Variants in ATRX observed in about 807,000 individuals in gnomAD.
ATRX encodes the protein ATRX chromatin remodeler, also known as chromatin remodeler ATRX.
A neutral mutation model predicts 172.6 loss-of-function variants in ATRX; 12 were observed. The observed-to-expected ratio is 0.07, with a 90% CI of 0.04 to 0.11. The LOEUF (loss-of-function observed/expected upper bound fraction) is 0.11, where lower values mean the gene tolerates loss of function less well. Among genes scored for constraint, ATRX ranks in the 10% least tolerant of loss-of-function variants. The pLI is 1.00. For missense variants in ATRX, 1,368 were observed against 1,767.4 expected (o/e 0.77, Z 4.05); for synonymous variants, 674 against 594.7 (o/e 1.13, Z -1.94).
At chrX:77,710,005 A>G (rs1557159814) in intron 2 of ATRX, among the ~76,000 whole-genome samples, 1 of 111,440 alleles carries the variant, frequency 9.0e-6, no homozygotes, top group Non-Finnish European at 1.9e-5. Context: ...TGGTTAAACA[A>G]ACTGTGGTAC....
At chrX:77,609,445 A>G (rs1393870130) in intron 22 of ATRX, among the ~76,000 whole-genome samples, 3 of 112,046 alleles carry the variant, frequency 2.7e-5, no homozygotes, top group Non-Finnish European at 5.6e-5. Flanking sequence ...ATGAAACAGC[A>G]CGAAAGACAA....
intron 1 of ATRX, among the ~76,000 whole-genome samples, chrX:77,737,438 G>C (rs1341722192): frequency 2.5e-5 from 2 of 80,629 alleles, no homozygotes; most frequent in Admixed American, 2.8e-4. Flanking sequence ...AAAAAAAAGG[G>C]GGGGGGGGGC....
intron 2 of ATRX, among the ~76,000 whole-genome samples, chrX:77,708,001 A>C (rs782148580): frequency 1.3e-4 from 15 of 112,278 alleles, no homozygotes; most frequent in Non-Finnish European, 2.6e-4. Context: ...TAGTATCTCT[A>C]CTTTGGAAAA....
rs782780813 is a variant in ATRX, at chrX:77,524,262, AT to A, written c.6700-862del. Among the ~76,000 whole-genome samples, 8 of 112,154 alleles carry A rather than the reference AT, an allele frequency of 7.1e-5. No homozygotes were observed. The East Asian group carries it at 2.0e-3, about 27-fold the overall frequency. ...AAATCACATATGAAAACCTGGATCTATAAAAGGCAAATTAATTCACTTTACA... is the reference window on the plus strand; with the variant it reads ...AAATCACATATGAAAACCTGGATCTAAAAAGGCAAATTAATTCACTTTACA... On this transcript the variant is annotated intron_variant, in intron 30 of 34. Transcript: ENST00000373344.
chrX:77,522,707 G>T lies in ATRX; in HGVS notation c.6850-319C>A, dbSNP rs782628187. 1.1e-4 allele frequency among the ~76,000 whole-genome samples: 12 copies of T among 111,786 alleles called. No individual in the cohort carries two copies. In the Admixed American group the frequency reaches 1.1e-3, roughly 11 times the overall value. On this transcript the variant is annotated intron_variant, in intron 31 of 34. Coordinates refer to ENST00000373344, the MANE Select transcript of ATRX (RefSeq NM_000489.6). ...AGTTAGGAGTTTGAAAAGGATTCAGGTATTAGGATAAGGTTTCCCATGCTC... is the reference window on the plus strand; with the variant it reads ...AGTTAGGAGTTTGAAAAGGATTCAGTTATTAGGATAAGGTTTCCCATGCTC...
At chrX:77,592,978 C>T (rs1400296625) in intron 26 of ATRX, among the ~76,000 whole-genome samples, 2 of 109,850 alleles carry the variant, frequency 1.8e-5, no homozygotes, top group African/African-American at 6.6e-5. Context: ...AATCCCAGCA[C>T]TTTGGGAGGC....
At chrX:77,671,980 A>G (rs1256028491) in intron 10 of ATRX, among the ~76,000 whole-genome samples, 1 of 111,089 alleles carries the variant, frequency 9.0e-6, no homozygotes, top group African/African-American at 3.3e-5. Flanking sequence ...GCCAGTTCAG[A>G]TATCTACAAG....
At chrX:77,759,371 CA>C (rs2075633370) in intron 1 of ATRX, among the ~76,000 whole-genome samples, 1 of 107,604 alleles carries the variant, frequency 9.3e-6, no homozygotes, top group African/African-American at 3.4e-5. Flanking sequence ...AAAAAAAAAA[CA>C]ACAACTATCC....
At chrX:77,621,108 G>A (rs2148276209) in intron 19 of ATRX, among the ~76,000 whole-genome samples, 1 of 111,167 alleles carries the variant, frequency 9.0e-6, no homozygotes, top group African/African-American at 3.3e-5. Flanking sequence ...ATGGAGGGTA[G>A]GGAGAACAGC....
chrX:77,686,624 G>C (rs2071573809), intron 7 of ATRX, among the ~76,000 whole-genome samples: 2 of 111,069 alleles, frequency 1.8e-5, no homozygotes, highest in South Asian at 7.6e-4. Context: ...GTTGAGGCAG[G>C]AGACTCACTT....
intron 1 of ATRX, among the ~76,000 whole-genome samples, chrX:77,759,822 T>C (rs2148904175): frequency 8.9e-6 from 1 of 112,106 alleles, no homozygotes; most frequent in South Asian, 3.7e-4. Context: ...TTCAAATATA[T>C]ATTTAAATTT....
rs782526944 is a variant in ATRX, at chrX:77,682,664, C to T, written c.2592G>A (p.Gly864=). 6 of 1,206,961 alleles carry T rather than the reference C, an allele frequency of 5.0e-6. No individual in the cohort carries two copies. Among genetic ancestry groups the T allele is most frequent in the Non-Finnish European group, 6.7e-6 (6 of 894,816 alleles). The part of the protein sequence containing the change: ...KHSKKGMDNQ[G]HKNLKTSQEG... ...CTTGTGAGGTCTTCAAATTTTTGTGCCCTTGATTATCCATTCCTTTTTTGC... is the reference window on the plus strand; with the variant it reads ...CTTGTGAGGTCTTCAAATTTTTGTGTCCTTGATTATCCATTCCTTTTTTGC... The change falls in exon 9 of 35, where the codon GGG becomes GGA. Residue 864 remains glycine (G), a synonymous_variant. Coordinates refer to ENST00000373344, the MANE Select transcript of ATRX (RefSeq NM_000489.6).
rs782649741 is a variant in ATRX, at chrX:77,558,539, G to C, written c.6504+130C>G. ...TCAAGAAAAGCCAAAACTGACTTCT[G>C]CTGCTTTATGTACAGAAATGGTATT... On this transcript the variant is annotated intron_variant, in intron 29 of 34. Transcript: ENST00000373344. 931 of 574,681 alleles carry C rather than the reference G, an allele frequency of 1.6e-3. 1 individual carries two copies. The highest frequency in any genetic ancestry group is 2.1e-3 in the Admixed American group (57 of 26,975). 47.4% of individuals were successfully genotyped at this position (574,681 alleles called of 1,213,427 possible). A position where few individuals can be genotyped will look rare whatever the true frequency, so the allele number is the denominator to read the frequency against.
chrX:77,750,933 T>C (rs1343370617), intron 1 of ATRX, among the ~76,000 whole-genome samples: 2 of 112,239 alleles, frequency 1.8e-5, no homozygotes, highest in Non-Finnish European at 3.8e-5. Context: ...CTGTCATTGA[T>C]GGGCATTTGA....
At chrX:77,771,149 T>G (rs1181256077) in intron 1 of ATRX, among the ~76,000 whole-genome samples, 1 of 110,976 alleles carries the variant, frequency 9.0e-6, no homozygotes, top group Non-Finnish European at 1.9e-5. Flanking sequence ...AGGCCGAGGC[T>G]GGCGGATCAC....
chrX:77,513,089 G>A (rs782538224), intron 34 of ATRX, among the ~76,000 whole-genome samples: 12 of 109,565 alleles, frequency 1.1e-4, no homozygotes, highest in South Asian at 4.0e-4. Context: ...AGGCCGAGGC[G>A]GGAGGATCAC....
chrX:77,528,258 G>C (rs1171331429), intron 30 of ATRX, among the ~76,000 whole-genome samples: 1 of 112,045 alleles, frequency 8.9e-6, no homozygotes, highest in Non-Finnish European at 1.9e-5. Flanking sequence ...CCATGGGAGG[G>C]AGCTCCCCAG....
At chrX:77,643,979 G>A (rs782530048) in intron 15 of ATRX, among the ~76,000 whole-genome samples, 2 of 110,192 alleles carry the variant, frequency 1.8e-5, no homozygotes, top group African/African-American at 3.3e-5. Context: ...TTGCTCTGTC[G>A]CCCAGGCTGG....
intron 12 of ATRX, among the ~76,000 whole-genome samples, chrX:77,657,126 C>A (rs1368389675): frequency 9.0e-6 from 1 of 111,040 alleles, no homozygotes; most frequent in Non-Finnish European, 1.9e-5. Flanking sequence ...TGAATAATGA[C>A]CCCTCTACAA....
Sources: allele counts gnomAD v4.1 joint callset (sites outside exome capture counted in the v4.1 genomes callset), GRCh38; gene constraint gnomAD v4.1.1; transcripts MANE v1.5; gene names NCBI Gene and HGNC (gene_info 2026-07-23, HGNC 2026-07-21).